STK36: variants seen among roughly 807,000 people sequenced by gnomAD.
STK36 encodes the protein serine/threonine-protein kinase 36.
STK36 carries 116 observed loss-of-function variants against 142.2 expected under a neutral mutation model. The observed-to-expected ratio is 0.82, with a 90% CI of 0.70 to 0.95. The LOEUF is 0.95. Ranked by LOEUF, STK36 falls within the 40% of genes least tolerant of loss-of-function variation. The pLI is 0.00. For missense variants in STK36, 1,422 were observed against 1,617.2 expected (o/e 0.88, Z 2.07); for synonymous variants, 619 against 641.7 (o/e 0.96, Z 0.53).
Position 218,694,849 on chromosome 2 carries a change from G to A in STK36, c.2511+214G>A. Among the ~76,000 whole-genome samples, 1 of 152,168 alleles carries A rather than the reference G, an allele frequency of 6.6e-6. No homozygotes were observed. The highest frequency in any genetic ancestry group is 1.5e-5 in the Non-Finnish European group (1 of 68,024). ...ACTTTAGATTTCTTTTTAATATGCA[G>A]AGCTTCTAGAGAGTGAGGGAGGGAA... is the stretch of plus-strand genomic sequence containing the variant. On this transcript the variant is annotated intron_variant, in intron 21 of 26. Transcript: ENST00000295709. This position sits in a 1 kb window ranked among gnomAD's most constrained non-coding sequence, Gnocchi z 4.4.
chr2:218,695,755 C>G (rs1262973573), intron 21 of STK36, among the ~76,000 whole-genome samples: 1 of 151,490 alleles, frequency 6.6e-6, no homozygotes, highest in Non-Finnish European at 1.5e-5. Flanking sequence ...CCAGGCTGGT[C>G]TCGAACTCCT....
At chr2:218,686,206 TG>T (rs1940771636) in intron 11 of STK36, among the ~76,000 whole-genome samples, 1 of 152,210 alleles carries the variant, frequency 6.6e-6, no homozygotes, top group Admixed American at 6.5e-5. Context: ...CCCAAAGTGC[TG>T]GGATTACAGG....
At chr2:218,678,346 T>A (rs548214181) in intron 6 of STK36, among the ~76,000 whole-genome samples, 2 of 152,338 alleles carry the variant, frequency 1.3e-5, no homozygotes, top group African/African-American at 4.8e-5. Context: ...CTTTGCTTTA[T>A]CTGAGATGAA....
At chr2:218,698,412 T>C (rs1941314920) in intron 25 of STK36, among the ~76,000 whole-genome samples, 190 bp from the exon 26 acceptor site, 1 of 152,210 alleles carries the variant, frequency 6.6e-6, no homozygotes, top group African/African-American at 2.4e-5. Context: ...AAGTAAGGAA[T>C]GATCTTGGAA....
Position 218,685,208 on chromosome 2 carries a change from CT to C in STK36, c.1361del (p.Leu454ArgfsTer9). 1 of 1,614,166 alleles carries C rather than the reference CT, an allele frequency of 6.2e-7. No individual in the cohort carries two copies. Among genetic ancestry groups the C allele is most frequent in the Non-Finnish European group, 8.5e-7 (1 of 1,180,018 alleles). ...PDFCQRIQSQLHEAGGQILKG... is the reference protein window; with the variant it reads ...PDFCQRIQSQXHEAGGQILKG... ...CTTCTGCCAGCGCATCCAGAGTCAG[CT>C]GCATGAAGCTGGAGGGCAGGTAATG... On this transcript the variant is annotated frameshift_variant, in exon 11 of 27. Transcript: ENST00000295709. LOFTEE classifies it high-confidence loss of function.
At chr2:218,700,264 C>T (rs746672272) in intron 26 of STK36, among the ~76,000 whole-genome samples, 51 of 152,080 alleles carry the variant, frequency 3.4e-4, no homozygotes, top group Non-Finnish European at 6.8e-4. Context: ...AATACAGTGG[C>T]GCAATCTCAG....
At chr2:218,679,837 A>G in intron 8 of STK36, 56 bp from the exon 9 acceptor site, 2 of 1,604,438 alleles carry the variant, frequency 1.2e-6, no homozygotes, top group East Asian at 2.2e-5. Context: ...TAGCATTCAT[A>G]TTGTCCTATA....
intron 10 of STK36, among the ~76,000 whole-genome samples, chr2:218,684,253 A>G (rs1940674686): frequency 6.6e-6 from 1 of 151,326 alleles, no homozygotes; most frequent in Non-Finnish European, 1.5e-5. Flanking sequence ...CTGGGATTAC[A>G]GGCATCTGCC....
At chr2:218,688,070 A>C (rs1940844694) in intron 11 of STK36, among the ~76,000 whole-genome samples, 1 of 152,218 alleles carries the variant, frequency 6.6e-6, no homozygotes, top group Non-Finnish European at 1.5e-5. Context: ...AGGCAGGAGA[A>C]TCACTTGAAC....
chr2:218,696,890 A>G, intron 22 of STK36, 149 bp from the exon 23 acceptor site: 2 of 1,202,290 alleles, frequency 1.7e-6, no homozygotes, highest in Non-Finnish European at 2.5e-6. Context: ...AGAAAATGAA[A>G]TAAGACGACA....
Position 218,689,902 on chromosome 2 carries a change from T to A in STK36, c.1604T>A (p.Ile535Asn). 6.2e-7 allele frequency: 1 copy of A among 1,608,882 alleles called. No homozygotes were observed. The highest frequency in any genetic ancestry group is 1.1e-5 in the South Asian group (1 of 89,712). Reference sequence around the variant, plus strand: ...TTCTTACAGGACCTGATGGCTGTGATTCAGGCCTACTTTGCCTGTACCTTC... The same window carrying A: ...TTCTTACAGGACCTGATGGCTGTGAATCAGGCCTACTTTGCCTGTACCTTC... ...GTFLQDLMAVIQAYFACTFNL... is the reference protein window; with the variant it reads ...GTFLQDLMAVNQAYFACTFNL... Residue 535 changes from isoleucine to asparagine, a missense_variant, in exon 13 of 27, where the codon ATT (isoleucine) becomes AAT (asparagine). Physicochemically the swap from Ile to Asn is moderately radical, Grantham distance 149 (BLOSUM62 -3). Coordinates refer to ENST00000295709, the MANE Select transcript of STK36 (RefSeq NM_015690.5).
chr2:218,678,958 G>C (rs112388377), intron 6 of STK36, among the ~76,000 whole-genome samples: 3 of 152,284 alleles, frequency 2.0e-5, no homozygotes, highest in African/African-American at 4.8e-5. Flanking sequence ...AACAGGATTT[G>C]GGGTCCTCTC....
intron 14 of STK36, among the ~76,000 whole-genome samples, chr2:218,690,919 G>T (rs542739868): frequency 1.3e-5 from 2 of 152,320 alleles, no homozygotes; most frequent in African/African-American, 4.8e-5. Context: ...ATCTCTGCTA[G>T]CATTTGAAGA....
chr2:218,682,680 G>A (rs556058448), intron 10 of STK36, among the ~76,000 whole-genome samples: 50 of 152,070 alleles, frequency 3.3e-4, no homozygotes, highest in Non-Finnish European at 4.6e-4. Context: ...TGTAACCTCC[G>A]ACTCCTGAGC....
At position 218,688,794 on chromosome 2, in the gene STK36, A is replaced by G. The variant is rs367787625; in HGVS notation, c.1478A>G (p.Tyr493Cys). Reference protein sequence around the residue: ...LSSCSDSVALYSFCREAGLPG... With the variant: ...LSSCSDSVALCSFCREAGLPG... Reference sequence around the variant, plus strand: ...AGCTGCAGTGATTCTGTTGCCTTGTATTCCTTCTGCCGGGAGGCAGGGCTT... The same window carrying G: ...AGCTGCAGTGATTCTGTTGCCTTGTGTTCCTTCTGCCGGGAGGCAGGGCTT... Residue 493 changes from tyrosine (Y) to cysteine (C), a missense_variant, in exon 12 of 27, where the codon TAT becomes TGT. Around this residue, in one of 2 missense-constraint regions of STK36, gnomAD observed 962 missense variants for 1,167.5 expected, o/e 0.82. Coordinates refer to ENST00000295709, the MANE Select transcript of STK36 (RefSeq NM_015690.5). The G allele has an allele frequency of 5.0e-6, 8 of 1,613,994 alleles. No homozygotes were observed. The highest frequency in any genetic ancestry group is 6.8e-6 in the Non-Finnish European group (8 of 1,180,008).
At position 218,692,235 on chromosome 2, in the gene STK36, C is replaced by T. The variant is rs558762185; in HGVS notation, c.1857C>T (p.Val619=). The T allele has an allele frequency of 6.2e-7, 1 of 1,614,228 alleles. No individual in the cohort carries two copies. Among genetic ancestry groups the T allele is most frequent in the East Asian group, 2.2e-5 (1 of 44,886 alleles). Residue 619 remains valine (V), a synonymous_variant, in exon 15 of 27, where the codon GTC becomes GTT. Coordinates refer to ENST00000295709, the MANE Select transcript of STK36 (RefSeq NM_015690.5). The stretch of plus-strand genomic sequence containing the variant: ...GCTTGCTGACGACACAGCAGGTTGT[C>T]TTGGATGGGCTCCTTCATGGCTTGA... The part of the protein sequence containing the change: ...YSSLLTTQQV[V]LDGLLHGLTV...
Position 218,679,151 on chromosome 2 carries a change from AT to A in STK36, c.685-11del. 6.2e-7 allele frequency: 1 copy of A among 1,612,836 alleles called. No homozygotes were observed. Among genetic ancestry groups the A allele is most frequent in the Non-Finnish European group, 8.5e-7 (1 of 1,179,026 alleles). On this transcript the variant is annotated splice_polypyrimidine_tract_variant and intron_variant, in intron 6 of 26. Transcript: ENST00000295709. ...GAAGGGAAAGAATGACTGATGGAATATTTTTTCTCTCTGTAGAACTTCCTGC... is the reference window on the plus strand; with the variant it reads ...GAAGGGAAAGAATGACTGATGGAATATTTTTCTCTCTGTAGAACTTCCTGC...
chr2:218,680,151 T>G, intron 9 of STK36, 71 bp downstream of exon 9: 1 of 1,465,076 alleles, frequency 6.8e-7, no homozygotes, highest in Admixed American at 1.8e-5. Flanking sequence ...CCAAAGCAAA[T>G]ACAGAATGGT....
At chr2:218,682,319 A>G (rs184713482) in intron 10 of STK36, among the ~76,000 whole-genome samples, 65 of 152,250 alleles carry the variant, frequency 4.3e-4, no homozygotes, top group African/African-American at 1.5e-3. Flanking sequence ...CTATGGACAT[A>G]GCATCTTTCT....
Sources: gnomAD v4.1 joint callset for allele counts (sites outside exome capture counted in the v4.1 genomes callset) on GRCh38, gnomAD v4.1.1 for gene constraint, gnomAD v4.1.1 regional missense constraint, Gnocchi (gnomAD v3.1) non-coding constraint, MANE v1.5 for transcripts, NCBI Gene and HGNC (gene_info 2026-07-23, HGNC 2026-07-21) for gene names.